USP10: variants seen among roughly 807,000 people sequenced by gnomAD.
The protein encoded by USP10 is ubiquitin carboxyl-terminal hydrolase 10.
In USP10, 22 loss-of-function variants were observed where a neutral mutation model predicts 84.5. That is an observed-to-expected ratio of 0.26 (90% CI 0.19 to 0.37). The LOEUF (loss-of-function observed/expected upper bound fraction) is 0.37, where lower values mean the gene tolerates loss of function less well. Ranked by LOEUF, USP10 falls within the 10% of genes least tolerant of loss-of-function variation. The probability of loss-of-function intolerance (pLI) is 1.00; values close to 1 mark genes in which losing one functional copy is unlikely to be tolerated. For synonymous variants in USP10, 454 were observed against 387.6 expected, an observed-to-expected ratio of 1.17 and a Z score of -2.01; for missense variants, 1,019 against 998.9, an observed-to-expected ratio of 1.02 and a Z score of -0.27.
intron 1 of USP10, among the ~76,000 whole-genome samples, chr16:84,705,630 G>A (rs1905386972): frequency 7.1e-6 from 1 of 140,252 alleles, no homozygotes; most frequent in Admixed American, 7.1e-5. Flanking sequence ...CTAGATTTTT[G>A]TTTTCCCATT....
chr16:84,752,392 C>G (rs1912034250), intron 4 of USP10, among the ~76,000 whole-genome samples: 2 of 152,162 alleles, frequency 1.3e-5, no homozygotes, highest in Admixed American at 6.5e-5. Flanking sequence ...ATAGATACAC[C>G]AATGGCAATG....
rs1341729338 is a variant in USP10, at chr16:84,707,486, G to T, written c.21+7375G>T. ...CTTCCTCTCTGATCCTTAATCGTCAGTTTGGTGTGTGTCTTCTATGCTTTT... is the reference window on the plus strand; with the variant it reads ...CTTCCTCTCTGATCCTTAATCGTCATTTTGGTGTGTGTCTTCTATGCTTTT... On this transcript the variant is annotated intron_variant, in intron 1 of 13. Coordinates refer to ENST00000219473, the MANE Select transcript of USP10 (RefSeq NM_005153.3). 3.9e-5 allele frequency among the ~76,000 whole-genome samples: 6 copies of T among 152,196 alleles called. No individual in the cohort carries two copies. The East Asian group carries it at 1.2e-3, about 29-fold the overall frequency.
chr16:84,735,191 C>G (rs1016207752), intron 2 of USP10, among the ~76,000 whole-genome samples: 4 of 91,056 alleles, frequency 4.4e-5, no homozygotes, highest in African/African-American at 2.0e-4. Flanking sequence ...CTGCCAGGCC[C>G]GGGTGGTGTG....
At chr16:84,718,296 C>G (rs1229323348) in intron 1 of USP10, among the ~76,000 whole-genome samples, 2 of 152,092 alleles carry the variant, frequency 1.3e-5, no homozygotes, top group Non-Finnish European at 2.9e-5. Context: ...CTCTGTGACC[C>G]AAGATAGAGT....
Position 84,745,136 on chromosome 16 carries a change from G to T in USP10, c.655G>T (p.Val219Phe). ...CAGCCCCCAGAACTCCACAGACTCT[G>T]TCAGTGACATTGTGCCTGACAGTCC... is the stretch of plus-strand genomic sequence containing the variant. ...CNSPQNSTDS[V>F]SDIVPDSPFP... is the part of the protein sequence containing the mutation. Residue 219 changes from valine (V) to phenylalanine (F), a missense_variant, in exon 4 of 14, where the codon GTC (valine) becomes TTC (phenylalanine). This residue lies in a region of USP10 where 787 missense variants were observed against 708.8 expected (regional missense o/e 1.11). Coordinates refer to ENST00000219473, the MANE Select transcript of USP10 (RefSeq NM_005153.3). 6.2e-7 allele frequency: 1 copy of T among 1,613,566 alleles called. No homozygotes were observed. The highest frequency in any genetic ancestry group is 1.3e-5 in the African/African-American group (1 of 75,036).
chr16:84,712,811 C>T (rs925555026), intron 1 of USP10, among the ~76,000 whole-genome samples: 2 of 152,200 alleles, frequency 1.3e-5, no homozygotes, highest in African/African-American at 4.8e-5. Context: ...ACCCGCACGT[C>T]ACATATAAGT....
At chr16:84,755,347 C>T (rs961874515) in intron 4 of USP10, among the ~76,000 whole-genome samples, 1 of 151,858 alleles carries the variant, frequency 6.6e-6, no homozygotes, top group Non-Finnish European at 1.5e-5. Context: ...AACTTCGCTG[C>T]ATCTTCCTGG....
intron 1 of USP10, among the ~76,000 whole-genome samples, chr16:84,723,311 G>A (rs1348413868): frequency 1.3e-5 from 2 of 152,040 alleles, no homozygotes; most frequent in Non-Finnish European, 2.9e-5. Flanking sequence ...CACTTACGTT[G>A]AATAAGTCTT....
chr16:84,742,707 G>A (rs375625029), intron 3 of USP10, among the ~76,000 whole-genome samples: 2 of 152,258 alleles, frequency 1.3e-5, no homozygotes, highest in African/African-American at 2.4e-5. Flanking sequence ...TCTGCCATGC[G>A]GTGCAAGGCA....
In USP10 at chr16:84,753,123, T is replaced by C. The variant is rs746627408; in HGVS notation, c.1193-5593T>C. On this transcript the variant is annotated intron_variant, in intron 4 of 13. Coordinates refer to ENST00000219473, the MANE Select transcript of USP10 (RefSeq NM_005153.3). ...TTGGGACTATAGGCAGGCACCACCATGTACAGCTAATTTTTTTATTTTTTA... is the reference window on the plus strand; with the variant it reads ...TTGGGACTATAGGCAGGCACCACCACGTACAGCTAATTTTTTTATTTTTTA... Among the ~76,000 whole-genome samples, 43 of 152,096 alleles carry C rather than the reference T, an allele frequency of 2.8e-4. 1 individual carries two copies. Among genetic ancestry groups the C allele is most frequent in the Non-Finnish European group, 3.7e-4 (25 of 68,018 alleles).
At chr16:84,732,833 G>A (rs567488847) in intron 1 of USP10, among the ~76,000 whole-genome samples, 43 of 152,230 alleles carry the variant, frequency 2.8e-4, no homozygotes, top group African/African-American at 9.4e-4. Flanking sequence ...TAACCACTTC[G>A]TTTTCCAGAA....
intron 4 of USP10, among the ~76,000 whole-genome samples, chr16:84,757,774 C>G (rs1448484133): frequency 6.6e-6 from 1 of 152,108 alleles, no homozygotes; most frequent in Non-Finnish European, 1.5e-5. Context: ...GCTATGCTAC[C>G]TGGCTCCTGT....
chr16:84,751,976 T>G (rs1911986764), intron 4 of USP10, among the ~76,000 whole-genome samples: 1 of 152,192 alleles, frequency 6.6e-6, no homozygotes, highest in Non-Finnish European at 1.5e-5. Context: ...ACAATTTCAG[T>G]GGGCTGATTT....
At chr16:84,758,860 T>G in intron 5 of USP10, 53 bp downstream of exon 5, 1 of 1,322,872 alleles carries the variant, frequency 7.6e-7, no homozygotes, top group Non-Finnish European at 1.1e-6. Context: ...CTGTCCCTCC[T>G]TTGGGTGCAT....
intron 4 of USP10, among the ~76,000 whole-genome samples, chr16:84,748,268 A>G (rs1407951812): frequency 6.6e-6 from 1 of 151,884 alleles, no homozygotes; most frequent in African/African-American, 2.4e-5. Context: ...CCTGTTAAAA[A>G]TGTGCATTCT....
intron 1 of USP10, among the ~76,000 whole-genome samples, chr16:84,713,647 A>G (rs951339979): frequency 2.0e-5 from 3 of 152,182 alleles, no homozygotes; most frequent in African/African-American, 7.2e-5. Context: ...TTCATGAAAG[A>G]CATACCACAG....
At chr16:84,731,140 C>T (rs1005745034) in intron 1 of USP10, among the ~76,000 whole-genome samples, 6 of 151,790 alleles carry the variant, frequency 4.0e-5, no homozygotes, top group South Asian at 2.1e-4. Flanking sequence ...CCACCATGCC[C>T]GGCTAATTTT....
At chr16:84,760,800 G>T (rs1405542484) in intron 8 of USP10, among the ~76,000 whole-genome samples, 1 of 152,166 alleles carries the variant, frequency 6.6e-6, no homozygotes, top group East Asian at 1.9e-4. Context: ...AGGCCCTGGG[G>T]CTGTTGAGAG....
chr16:84,770,771 CCAAAA>C (rs1567650797), intron 11 of USP10, among the ~76,000 whole-genome samples: 4 of 133,104 alleles, frequency 3.0e-5, no homozygotes, highest in Admixed American at 7.6e-5. Context: ...GACTCCGTCC[CCAAAA>C]AAAAAAAAAA....
Sources: allele counts gnomAD v4.1 joint callset (sites outside exome capture counted in the v4.1 genomes callset), GRCh38; gene constraint gnomAD v4.1.1; regional missense constraint gnomAD v4.1.1; transcripts MANE v1.5; gene names NCBI Gene and HGNC (gene_info 2026-07-23, HGNC 2026-07-21).